CDC42BPA: variants seen among roughly 807,000 people sequenced by gnomAD.
CDC42BPA encodes CDC42 binding protein kinase alpha.
Under a neutral mutation model 223.5 loss-of-function variants are expected in CDC42BPA, and 80 were observed. The ratio of observed to expected loss-of-function variants is 0.36; its 90% CI spans 0.30 to 0.43. The LOEUF is 0.43. CDC42BPA is among the 20% of genes least tolerant of loss of function. The pLI, the probability that CDC42BPA is intolerant of heterozygous loss-of-function variation, is 1.00. For synonymous variants in CDC42BPA, 694 were observed against 718.6 expected (o/e 0.97, Z 0.55); for missense variants, 1,743 against 2,099.9 (o/e 0.83, Z 3.32).
chr1:227,264,719 G>T, intron 1 of CDC42BPA: 1 of 708,858 alleles, frequency 1.4e-6, no homozygotes, highest in Non-Finnish European at 2.5e-6. Flanking sequence ...TAAAATATAT[G>T]CCAGTCCATT....
At chr1:227,234,293 G>T (rs890198132) in intron 2 of CDC42BPA, 1 of 152,158 alleles carries the variant, frequency 6.6e-6, no homozygotes, top group Non-Finnish European at 1.5e-5. Context: ...TTAACTAGTG[G>T]AAACTTTCCT....
chr1:227,070,886 T>C (rs894590955), intron 20 of CDC42BPA, among the ~76,000 whole-genome samples: 12 of 151,876 alleles, frequency 7.9e-5, no homozygotes, highest in Admixed American at 5.9e-4. Context: ...AATGATGCAA[T>C]CAATGTCATC....
At chr1:227,112,613 C>T in intron 13 of CDC42BPA, 58 bp downstream of exon 13, 1 of 1,482,024 alleles carries the variant, frequency 6.7e-7, no homozygotes, top group Non-Finnish European at 9.0e-7. Flanking sequence ...TTACTAGTCT[C>T]AAAAAGCAGC....
rs114797297 is a variant in CDC42BPA at position 227,002,558 on chromosome 1, C to A, written c.4975+2436G>T. On this transcript the variant is annotated intron_variant, in intron 35 of 36. Coordinates refer to ENST00000366766, the MANE Select transcript of CDC42BPA (RefSeq NM_001394014.1). ...TATGTAGTCCCTTCCCACACAGTAC[C>A]AGGGCTGGTCTGTGTGATCAACAGC... Among the ~76,000 whole-genome samples, 635 of 152,314 alleles carry A rather than the reference C, an allele frequency of 4.2e-3. 5 individuals carry two copies. The highest frequency in any genetic ancestry group is 0.015 in the African/African-American group (614 of 41,568).
chr1:227,016,899 T>C (rs1367005286), intron 33 of CDC42BPA, 28 bp downstream of exon 33: 1 of 1,597,158 alleles, frequency 6.3e-7, no homozygotes, highest in Middle Eastern at 1.7e-4. Flanking sequence ...CAAGCAAGCA[T>C]GGATGATACT....
chr1:227,159,885 C>G (rs577067601), intron 6 of CDC42BPA, among the ~76,000 whole-genome samples: 2 of 151,748 alleles, frequency 1.3e-5, no homozygotes, highest in African/African-American at 4.8e-5. Context: ...TCACTGTTGC[C>G]CAGGCTGGAG....
intron 34 of CDC42BPA, among the ~76,000 whole-genome samples, chr1:227,008,754 C>A (rs1318807880): frequency 1.3e-5 from 2 of 152,230 alleles, no homozygotes; most frequent in Non-Finnish European, 2.9e-5. Flanking sequence ...AAGTTGGCAA[C>A]TAGTTGGCCC....
At chr1:227,151,881 C>CAAA (rs58336726) in intron 6 of CDC42BPA, among the ~76,000 whole-genome samples, 21,769 of 85,604 alleles carry the variant, frequency 0.25, 3,633 homozygotes, top group East Asian at 0.29. Flanking sequence ...CCAGTCTCTA[C>CAAA]AAAAAAAAAA....
At chr1:227,121,038 A>T (rs530987901) in intron 11 of CDC42BPA, among the ~76,000 whole-genome samples, 174 of 152,228 alleles carry the variant, frequency 1.1e-3, no homozygotes, top group African/African-American at 4.0e-3. Context: ...CAGGAGGTGG[A>T]GCTCAGGCGC....
intron 32 of CDC42BPA, 68 bp from the exon 33 acceptor site, chr1:227,017,118 C>G (rs1223455092): frequency 1.5e-5 from 21 of 1,429,106 alleles, no homozygotes; most frequent in Non-Finnish European, 2.0e-5. Context: ...TATCTATTAA[C>G]CTCCAAGACA....
intron 5 of CDC42BPA, among the ~76,000 whole-genome samples, chr1:227,162,866 A>ATGTG (rs71574598): frequency 1.9e-4 from 24 of 127,186 alleles, no homozygotes; most frequent in African/African-American, 3.7e-4. Flanking sequence ...AAATAAATAT[A>ATGTG]TATGTGTGTG....
At chr1:227,082,714 C>CAAAAAAAAAA (rs71574595) in intron 16 of CDC42BPA, among the ~76,000 whole-genome samples, 4 of 59,524 alleles carry the variant, frequency 6.7e-5, no homozygotes, top group South Asian at 1.8e-3. Flanking sequence ...GACTCTGTCT[C>CAAAAAAAAAA]AAAAAAAAAA....
At chr1:227,175,804 T>A (rs1016202380) in intron 5 of CDC42BPA, among the ~76,000 whole-genome samples, 2 of 152,184 alleles carry the variant, frequency 1.3e-5, no homozygotes, top group African/African-American at 4.8e-5. Context: ...ACTTCCTATC[T>A]AGATCTTGAG....
chr1:227,267,369 G>A (rs966701792), intron 1 of CDC42BPA, among the ~76,000 whole-genome samples: 1 of 152,148 alleles, frequency 6.6e-6, no homozygotes, highest in Non-Finnish European at 1.5e-5. Flanking sequence ...GAAGACCTGT[G>A]AGAGGGGAAG....
chr1:227,013,573 T>C (rs570568736), intron 34 of CDC42BPA, among the ~76,000 whole-genome samples: 7 of 152,134 alleles, frequency 4.6e-5, no homozygotes, highest in Non-Finnish European at 8.8e-5. Context: ...TTTCACCTGA[T>C]GGCAGAAGGA....
chr1:227,283,853 T>C (rs34875093), intron 1 of CDC42BPA, among the ~76,000 whole-genome samples: 30,686 of 152,172 alleles, frequency 0.2, 3,171 homozygotes, highest in East Asian at 0.26. Context: ...GGCAGTTCAC[T>C]TGAGGCCAGG....
chr1:227,192,039 CAA>C (rs1449462517), intron 5 of CDC42BPA, among the ~76,000 whole-genome samples: 2 of 150,768 alleles, frequency 1.3e-5, no homozygotes, highest in Non-Finnish European at 2.9e-5. Context: ...AAAACTGTGA[CAA>C]TCAGATACCC....
intron 21 of CDC42BPA, among the ~76,000 whole-genome samples, chr1:227,061,484 C>A (rs1341491429): frequency 1.3e-5 from 2 of 152,126 alleles, no homozygotes; most frequent in South Asian, 4.1e-4. Flanking sequence ...GTGGTAGAGC[C>A]AGGATTCAAA....
At chr1:227,272,805 AT>A (rs11396756) in intron 1 of CDC42BPA, among the ~76,000 whole-genome samples, 6 of 151,096 alleles carry the variant, frequency 4.0e-5, no homozygotes, top group African/African-American at 1.5e-4. Context: ...CAGAATAATT[AT>A]TTTTTTAATG....
Sources: allele counts gnomAD v4.1 joint callset (sites outside exome capture counted in the v4.1 genomes callset), GRCh38; gene constraint gnomAD v4.1.1; transcripts MANE v1.5; gene names NCBI Gene and HGNC (gene_info 2026-07-23, HGNC 2026-07-21).